The following HNF4A variants were observed in gnomAD, a reference collection of about 807,000 sequenced individuals.
The protein encoded by HNF4A is hepatocyte nuclear factor 4 alpha.
Under a neutral mutation model 52.4 loss-of-function variants are expected in HNF4A, and 15 were observed. The observed-to-expected ratio is 0.29, with a 90% confidence interval of 0.19 to 0.44. The LOEUF (loss-of-function observed/expected upper bound fraction) is 0.44. Ranked by LOEUF, HNF4A falls within the 20% of genes least tolerant of loss-of-function variation. The pLI, the probability that HNF4A is intolerant of heterozygous loss-of-function variation, is 1.00. For synonymous variants in HNF4A, 280 were observed against 264.4 expected (o/e 1.06, Z -0.57); for missense variants, 479 against 647.2 (o/e 0.74, Z 2.82).
Position 44,429,925 on chromosome 20 carries a change from C to A in HNF4A, c.*260C>A. The A allele has an allele frequency of 2.0e-6, 1 of 510,114 alleles. No homozygotes were observed. Among genetic ancestry groups the A allele is most frequent in the Non-Finnish European group, 3.5e-6 (1 of 284,428 alleles). 31.6% of individuals were successfully genotyped at this position (510,114 alleles called of 1,614,324 possible). A position where few individuals can be genotyped will look rare whatever the true frequency, so the allele number is the denominator to read the frequency against. ...ACTTTTCTCATGTTGAAGCCACTGC[C>A]TTCACCTTCACCTTCATCCATGTCC... On this transcript the variant is annotated 3_prime_UTR_variant, in exon 10 of 10. Coordinates refer to ENST00000316099, the MANE Select transcript of HNF4A (RefSeq NM_000457.6).
chr20:44,422,694 A>T (rs1276429443), intron 7 of HNF4A, among the ~76,000 whole-genome samples: 4 of 147,260 alleles, frequency 2.7e-5, no homozygotes, highest in East Asian at 2.0e-4. Flanking sequence ...TATATTTTTT[A>T]AAATATATAT....
At chr20:44,406,973 C>T (rs2063509553) in intron 2 of HNF4A, among the ~76,000 whole-genome samples, 1 of 152,180 alleles carries the variant, frequency 6.6e-6, no homozygotes, top group Non-Finnish European at 1.5e-5. Context: ...GCCTCTACTT[C>T]CTATCCCCCT....
At chr20:44,415,587 T>C (rs1291049348) in intron 5 of HNF4A, among the ~76,000 whole-genome samples, 1 of 152,194 alleles carries the variant, frequency 6.6e-6, no homozygotes, top group African/African-American at 2.4e-5. Context: ...GGAGACAGAC[T>C]CTGGTGCATT....
chr20:44,411,408 C>A (rs184233559), intron 3 of HNF4A, among the ~76,000 whole-genome samples: 1 of 152,214 alleles, frequency 6.6e-6, no homozygotes, highest in African/African-American at 2.4e-5. Flanking sequence ...TGATAACGCC[C>A]GCCTAACCTT....
chr20:44,409,601 G>A (rs1161961541), intron 3 of HNF4A, among the ~76,000 whole-genome samples: 1 of 152,196 alleles, frequency 6.6e-6, no homozygotes, highest in Non-Finnish European at 1.5e-5. Context: ...ACTGCGTGTG[G>A]CCTGGTCCTG....
At chr20:44,405,467 C>T (rs1030256617) in intron 1 of HNF4A, among the ~76,000 whole-genome samples, 3 of 152,146 alleles carry the variant, frequency 2.0e-5, no homozygotes, top group African/African-American at 7.2e-5. Context: ...CTCTTTCCAC[C>T]TGCCTCTACG....
At chr20:44,407,522 C>A in intron 3 of HNF4A, 47 bp downstream of exon 3, 2 of 1,241,704 alleles carry the variant, frequency 1.6e-6, no homozygotes, top group Non-Finnish European at 2.3e-6. Flanking sequence ...CCACCTGCAC[C>A]CACAGCTCCC....
downstream of HNF4A, chr20:44,434,036 G>T (rs2063902454): frequency 6.6e-6 from 1 of 152,268 alleles, no homozygotes; most frequent in Non-Finnish European, 1.5e-5. Context: ...ACAGCATTCG[G>T]CAATGGCTGG....
At chr20:44,414,446 G>A in intron 4 of HNF4A, 61 bp from the exon 5 acceptor site, 1 of 1,612,360 alleles carries the variant, frequency 6.2e-7, no homozygotes, top group Non-Finnish European at 8.5e-7. Context: ...TCTGTGCAGG[G>A]GACAGAGAGT....
rs1600670319 is a variant in HNF4A, at chr20:44,386,149, C to T, written c.50-19909C>T. Among the ~76,000 whole-genome samples the T allele has an allele frequency of 3.4e-5, 5 of 148,386 alleles. No individual in the cohort carries two copies. In the Admixed American group the frequency reaches 3.4e-4, roughly 10 times the overall value. On this transcript the variant is annotated intron_variant, in intron 1 of 9. Coordinates refer to the HNF4A transcript ENST00000316673. Reference sequence around the variant, plus strand: ...TACAGGCGTGAGCCACCGTGCCCAGCCACCATCTGATTTTTTTTTTTTTTT... The same window carrying T: ...TACAGGCGTGAGCCACCGTGCCCAGTCACCATCTGATTTTTTTTTTTTTTT...
intron 1 of HNF4A, among the ~76,000 whole-genome samples, chr20:44,362,418 T>TAAAAAA (rs36103037): frequency 9.6e-6 from 1 of 104,178 alleles, no homozygotes; most frequent in Non-Finnish European, 1.9e-5. Context: ...AAACTTGTCT[T>TAAAAAA]AAAAAAAAAA....
chr20:44,418,798 CA>C (rs2063702773), intron 6 of HNF4A, among the ~76,000 whole-genome samples: 1 of 152,118 alleles, frequency 6.6e-6, no homozygotes, highest in Non-Finnish European at 1.5e-5. Flanking sequence ...TTTCTTTTGA[CA>C]GAGTCTTGCT....
chr20:44,372,407 C>T (rs1275263221), intron 1 of HNF4A, among the ~76,000 whole-genome samples: 1 of 152,170 alleles, frequency 6.6e-6, no homozygotes, highest in Non-Finnish European at 1.5e-5. Context: ...ATCTTTGGTG[C>T]CTCCACCCTG....
At chr20:44,395,900 G>T (rs1323153767) in intron 1 of HNF4A, among the ~76,000 whole-genome samples, 1 of 152,140 alleles carries the variant, frequency 6.6e-6, no homozygotes, top group Admixed American at 6.5e-5. Context: ...TGTGGTGAGC[G>T]CCAAGGGGAA....
In HNF4A at chr20:44,429,440, G is replaced by A. The variant is rs114265655; in HGVS notation, c.1283-83G>A. 4,152 of 1,519,392 alleles carry A rather than the reference G, an allele frequency of 2.7e-3. 92 individuals are homozygous for A. The African/African-American group carries it at 0.052, about 19-fold the overall frequency. 94.1% of individuals were successfully genotyped at this position (1,519,392 alleles called of 1,614,324 possible). On this transcript the variant is annotated intron_variant, in intron 9 of 9. Transcript: ENST00000316099. ...AGTCAAGGTGGGGCAGGGTGGGAGGGGAGAACTTTCCCGGGCCTCTTCATT... is the reference window on the plus strand; with the variant it reads ...AGTCAAGGTGGGGCAGGGTGGGAGGAGAGAACTTTCCCGGGCCTCTTCATT...
At chr20:44,378,900 C>T (rs2063117683) in intron 1 of HNF4A, among the ~76,000 whole-genome samples, 2 of 136,366 alleles carry the variant, frequency 1.5e-5, no homozygotes. Flanking sequence ...GCCTGGGCCA[C>T]AGAGAGAGAC....
intron 1 of HNF4A, among the ~76,000 whole-genome samples, chr20:44,369,271 AAAAAAAAC>A (rs1428190384): frequency 6.0e-5 from 9 of 148,884 alleles, no homozygotes; most frequent in African/African-American, 2.2e-4. Context: ...AAAAAAAAAA[AAAAAAAAC>A]TGGGCCGGCC....
At chr20:44,382,612 A>C (rs1354419116) in intron 1 of HNF4A, among the ~76,000 whole-genome samples, 1 of 152,206 alleles carries the variant, frequency 6.6e-6, no homozygotes, top group Non-Finnish European at 1.5e-5. Flanking sequence ...AATGAAAACT[A>C]AACACAATTG....
At chr20:44,423,985 C>T in intron 7 of HNF4A, 33 bp from the exon 8 acceptor site, 1 of 1,608,272 alleles carries the variant, frequency 6.2e-7, no homozygotes, top group Non-Finnish European at 8.5e-7. Flanking sequence ...CTGGACCCTG[C>T]TGCCCTCCCT....
Sources: gnomAD v4.1 joint callset for allele counts (sites outside exome capture counted in the v4.1 genomes callset) on GRCh38, gnomAD v4.1.1 for gene constraint, MANE v1.5 for transcripts, NCBI Gene and HGNC (gene_info 2026-07-23, HGNC 2026-07-21) for gene names.